The following TEX2 variants were observed in gnomAD, a reference collection of about 807,000 sequenced individuals.
The protein encoded by TEX2 is testis-expressed protein 2.
In TEX2, 53 loss-of-function variants were observed where a neutral mutation model predicts 106.9. The ratio of observed to expected loss-of-function variants is 0.50; its 90% CI spans 0.40 to 0.62. TEX2 has a LOEUF of 0.62. Among genes scored for constraint, TEX2 ranks in the 20% least tolerant of loss-of-function variants. The probability of loss-of-function intolerance (pLI) is 0.00; values close to 1 mark genes in which losing one functional copy is unlikely to be tolerated. For missense variants in TEX2, 1,207 were observed against 1,379.0 expected (o/e 0.88, Z 1.98); for synonymous variants, 523 against 534.8 (o/e 0.98, Z 0.30).
intron 2 of TEX2, among the ~76,000 whole-genome samples, chr17:64,196,576 T>C (rs1050203688): frequency 2.0e-4 from 31 of 152,106 alleles, no homozygotes; most frequent in Non-Finnish European, 4.6e-4. Flanking sequence ...GAGGCGTTTG[T>C]GAGGAAACAG....
intron 7 of TEX2, among the ~76,000 whole-genome samples, chr17:64,166,491 C>T (rs563966953): frequency 3.9e-5 from 6 of 152,270 alleles, no homozygotes; most frequent in African/African-American, 9.6e-5. Flanking sequence ...GCTGCTGACC[C>T]GGGCAAGTCA....
rs181128537 is a variant in TEX2, at chr17:64,246,931, G to C, written c.-26+16237C>G. Among the ~76,000 whole-genome samples, 243 of 152,290 alleles carry C rather than the reference G, an allele frequency of 1.6e-3. 1 individual carries two copies. The Middle Eastern group carries it at 0.017, about 11-fold the overall frequency. On this transcript the variant is annotated intron_variant, in intron 1 of 11. Coordinates refer to ENST00000584379, the MANE Select transcript of TEX2 (RefSeq NM_001288732.2). Reference sequence around the variant, plus strand: ...CAGATAAGAATCACCAGACCTAACAGAAAAGCCAATGACGGGGAACAGATT... The same window carrying C: ...CAGATAAGAATCACCAGACCTAACACAAAAGCCAATGACGGGGAACAGATT...
chr17:64,168,200 A>G (rs9908831), intron 7 of TEX2, among the ~76,000 whole-genome samples: 9,388 of 152,234 alleles, frequency 0.062, 361 homozygotes, highest in African/African-American at 0.11. Flanking sequence ...CACTAAAAGG[A>G]AAGATTCCCC....
At chr17:64,244,442 C>T (rs1272919534) in intron 1 of TEX2, among the ~76,000 whole-genome samples, 1 of 152,158 alleles carries the variant, frequency 6.6e-6, no homozygotes, top group Non-Finnish European at 1.5e-5. Context: ...CCAGAGCAGG[C>T]TTTGACATTT....
intron 7 of TEX2, among the ~76,000 whole-genome samples, chr17:64,162,069 T>C (rs552382112): frequency 2.0e-5 from 3 of 152,298 alleles, no homozygotes; most frequent in Non-Finnish European, 2.9e-5. Context: ...TTTCAACAAA[T>C]TCTTTTTACC....
intron 5 of TEX2, among the ~76,000 whole-genome samples, chr17:64,181,289 A>G (rs2031843916): frequency 6.6e-6 from 1 of 151,952 alleles, no homozygotes; most frequent in Non-Finnish European, 1.5e-5. Context: ...AATCTTGGCC[A>G]ACATGGTGAA....
chr17:64,239,817 A>C (rs112300378), intron 1 of TEX2, among the ~76,000 whole-genome samples: 8,022 of 137,320 alleles, frequency 0.058, 276 homozygotes, highest in Middle Eastern at 0.14. Context: ...CAGAGGTTGC[A>C]GTGAGCCAAG....
intron 6 of TEX2, 22 bp downstream of exon 6, chr17:64,177,303 C>T (rs995363348): frequency 5.0e-6 from 8 of 1,613,682 alleles, no homozygotes; most frequent in Non-Finnish European, 5.9e-6. Flanking sequence ...GGATTAGAAG[C>T]CTCTTGTGTG....
chr17:64,225,844 A>G (rs1309211761), intron 1 of TEX2, among the ~76,000 whole-genome samples: 4 of 152,190 alleles, frequency 2.6e-5, no homozygotes, highest in South Asian at 4.1e-4. Context: ...CAGCCTCCCA[A>G]GTAGCTGGGA....
intron 7 of TEX2, among the ~76,000 whole-genome samples, chr17:64,163,787 A>G (rs747441810): frequency 6.6e-6 from 1 of 152,200 alleles, no homozygotes; most frequent in Non-Finnish European, 1.5e-5. Flanking sequence ...GGGGACATAC[A>G]CTGCCCCATG....
At chr17:64,166,366 G>A (rs781356039) in intron 7 of TEX2, among the ~76,000 whole-genome samples, 7 of 152,328 alleles carry the variant, frequency 4.6e-5, no homozygotes, top group South Asian at 4.1e-4. Context: ...CAGTTGTACC[G>A]CTGAATGGTG....
intron 1 of TEX2, among the ~76,000 whole-genome samples, chr17:64,259,083 A>T (rs1222823713): frequency 6.6e-6 from 1 of 152,200 alleles, no homozygotes; most frequent in African/African-American, 2.4e-5. Flanking sequence ...AAATTAGTGA[A>T]GTGACGCGCA....
At chr17:64,178,377 G>A (rs1477106675) in intron 5 of TEX2, among the ~76,000 whole-genome samples, 1 of 152,236 alleles carries the variant, frequency 6.6e-6, no homozygotes, top group Non-Finnish European at 1.5e-5. Context: ...TGAGAGCTCA[G>A]TAATGTAGCA....
intron 7 of TEX2, among the ~76,000 whole-genome samples, chr17:64,164,274 C>T (rs929346109): frequency 1.3e-5 from 2 of 152,024 alleles, no homozygotes; most frequent in Non-Finnish European, 2.9e-5. Context: ...CTCGTCTCTA[C>T]TAAAAATACA....
chr17:64,158,647 TG>T (rs1255370388), intron 8 of TEX2, among the ~76,000 whole-genome samples: 1 of 152,226 alleles, frequency 6.6e-6, no homozygotes, highest in East Asian at 1.9e-4. Flanking sequence ...GAATCACTTC[TG>T]GGATTAGGTT....
At chr17:64,248,608 A>C (rs2034033867) in intron 1 of TEX2, among the ~76,000 whole-genome samples, 1 of 152,226 alleles carries the variant, frequency 6.6e-6, no homozygotes, top group Admixed American at 6.5e-5. Context: ...TTGGCTTGAA[A>C]TCATCCCAGT....
chr17:64,262,905 G>A (rs570393026), intron 1 of TEX2, among the ~76,000 whole-genome samples: 10 of 152,302 alleles, frequency 6.6e-5, no homozygotes, highest in African/African-American at 2.4e-4. Context: ...TGAGGGGACG[G>A]GGCCGGCAGC....
At chr17:64,220,595 GA>G (rs1391794992) in intron 1 of TEX2, among the ~76,000 whole-genome samples, 3 of 151,696 alleles carry the variant, frequency 2.0e-5, no homozygotes, top group South Asian at 2.1e-4. Flanking sequence ...AAAAAAATAT[GA>G]AAAAAAGCTA....
At chr17:64,180,183 C>A (rs1054121577) in intron 5 of TEX2, among the ~76,000 whole-genome samples, 1 of 152,174 alleles carries the variant, frequency 6.6e-6, no homozygotes, top group African/African-American at 2.4e-5. Flanking sequence ...ACGTAAGACA[C>A]CACGTGTCTT....
Sources: allele counts gnomAD v4.1 joint callset (sites outside exome capture counted in the v4.1 genomes callset), GRCh38; gene constraint gnomAD v4.1.1; transcripts MANE v1.5; gene names NCBI Gene and HGNC (gene_info 2026-07-23, HGNC 2026-07-21).